KCNN2: variants seen among roughly 807,000 people sequenced by gnomAD.
KCNN2 encodes the protein potassium calcium-activated channel subfamily N member 2.
A neutral mutation model predicts 55.5 loss-of-function variants in KCNN2; 24 were observed. That is an observed-to-expected ratio of 0.43 (90% CI 0.31 to 0.61). KCNN2 has a LOEUF of 0.61. Ranked by LOEUF, KCNN2 falls within the 20% of genes least tolerant of loss-of-function variation. The probability of loss-of-function intolerance (pLI) is 0.08; values close to 1 mark genes in which losing one functional copy is unlikely to be tolerated. For synonymous variants in KCNN2, 431 were observed against 336.1 expected, an observed-to-expected ratio of 1.28 and a Z score of -3.09; for missense variants, 754 against 853.6, an observed-to-expected ratio of 0.88 and a Z score of 1.45.
intron 1 of KCNN2, among the ~76,000 whole-genome samples, chr5:114,134,606 G>A (rs539429189): frequency 2.2e-4 from 34 of 151,994 alleles, no homozygotes; most frequent in African/African-American, 8.0e-4. Context: ...CTCCCGAATA[G>A]CTGGGATTAC....
At chr5:114,446,469 A>G (rs1012525871) in intron 3 of KCNN2, among the ~76,000 whole-genome samples, 1 of 152,012 alleles carries the variant, frequency 6.6e-6, no homozygotes, top group Non-Finnish European at 1.5e-5. Flanking sequence ...TTTATATTTT[A>G]TTTTTTGAGA....
chr5:114,285,539 G>A (rs1400750801), intron 2 of KCNN2, among the ~76,000 whole-genome samples: 1 of 152,080 alleles, frequency 6.6e-6, no homozygotes, highest in African/African-American at 2.4e-5. Context: ...CAAGGAACCT[G>A]GATTGTCTCC....
intron 3 of KCNN2, among the ~76,000 whole-genome samples, chr5:114,424,480 G>T (rs1268422609): frequency 6.6e-6 from 1 of 152,212 alleles, no homozygotes. Flanking sequence ...TTTAGCCTGT[G>T]CCACTGCCTA....
chr5:114,232,938 T>TTTTTTTTTA (rs1399367540), intron 2 of KCNN2, among the ~76,000 whole-genome samples: 2 of 116,998 alleles, frequency 1.7e-5, no homozygotes, highest in African/African-American at 6.2e-5. Context: ...TTTTTTTTTT[T>TTTTTTTTTA]GAGACGGAGT....
At chr5:114,125,506 C>T (rs1751911753) in intron 1 of KCNN2, among the ~76,000 whole-genome samples, 1 of 152,168 alleles carries the variant, frequency 6.6e-6, no homozygotes, top group Non-Finnish European at 1.5e-5. Context: ...CCACTTTTAT[C>T]ACCTTGCTTT....
intron 2 of KCNN2, among the ~76,000 whole-genome samples, chr5:114,350,414 CTT>C (rs1757186688): frequency 6.6e-6 from 1 of 151,844 alleles, no homozygotes; most frequent in Non-Finnish European, 1.5e-5. Context: ...TGTAGGTAGT[CTT>C]TTCACTTTCC....
rs1753868384 is a variant in KCNN2, at chr5:114,210,886, CA to C, written c.-270-10590del. Among the ~76,000 whole-genome samples, 4 of 152,056 alleles carry C rather than the reference CA, an allele frequency of 2.6e-5. No individual in the cohort carries two copies. The South Asian group carries it at 8.3e-4, about 32-fold the overall frequency. ...TGAATGTGAGGGCCCTTCACTCTGG[CA>C]AAACTGGAATGTTTAAGGTGTTACA... On this transcript the variant is annotated intron_variant, in intron 1 of 10. Coordinates refer to the KCNN2 transcript ENST00000512097.
At chr5:114,098,290 G>T (rs1751304152) in intron 1 of KCNN2, among the ~76,000 whole-genome samples, 1 of 152,024 alleles carries the variant, frequency 6.6e-6, no homozygotes, top group South Asian at 2.1e-4. Context: ...CAGCTTCTGA[G>T]AATTAGGACT....
At chr5:114,423,068 C>G (rs955048215) in intron 3 of KCNN2, among the ~76,000 whole-genome samples, 1 of 152,150 alleles carries the variant, frequency 6.6e-6, no homozygotes, top group Non-Finnish European at 1.5e-5. Flanking sequence ...TAAGCATTAC[C>G]TGAAGTAAAA....
intron 7 of KCNN2, among the ~76,000 whole-genome samples, chr5:114,494,850 A>G (rs1037698597): frequency 6.6e-6 from 1 of 152,102 alleles, no homozygotes; most frequent in African/African-American, 2.4e-5. Context: ...TATATTCTGA[A>G]TAATAACTCC....
intron 2 of KCNN2, among the ~76,000 whole-genome samples, chr5:114,340,183 T>C (rs1444389038): frequency 6.6e-6 from 1 of 152,210 alleles, no homozygotes; most frequent in Non-Finnish European, 1.5e-5. Context: ...ATTTTGTTGA[T>C]TGAATCTCCC....
At chr5:114,361,472 A>T (rs966505142), upstream of KCNN2, among the ~76,000 whole-genome samples, 1 of 152,134 alleles carries the variant, frequency 6.6e-6, no homozygotes, top group Non-Finnish European at 1.5e-5. Context: ...CCGGTCGCCA[A>T]ACTTTTTCTC....
At chr5:114,395,043 A>C (rs908553745) in intron 2 of KCNN2, among the ~76,000 whole-genome samples, 5 of 152,108 alleles carry the variant, frequency 3.3e-5, no homozygotes, top group African/African-American at 1.2e-4. Flanking sequence ...GCCCTGGATT[A>C]TTTTCTAGAA....
intron 2 of KCNN2, among the ~76,000 whole-genome samples, chr5:114,224,934 A>AT (rs1328889931): frequency 1.3e-5 from 2 of 152,138 alleles, no homozygotes; most frequent in Non-Finnish European, 2.9e-5. Flanking sequence ...TAGATTCTAG[A>AT]TAGTAAAACT....
At chr5:114,124,624 T>G (rs925817681) in intron 1 of KCNN2, among the ~76,000 whole-genome samples, 1 of 152,190 alleles carries the variant, frequency 6.6e-6, no homozygotes, top group African/African-American at 2.4e-5. Flanking sequence ...CTCCCTTGTC[T>G]CTGCTCCAGT....
At chr5:114,485,256 A>G (rs1440111651) in intron 5 of KCNN2, among the ~76,000 whole-genome samples, 2 of 152,086 alleles carry the variant, frequency 1.3e-5, no homozygotes, top group Non-Finnish European at 2.9e-5. Context: ...CTTCTCCTCT[A>G]TGCCTTCGAC....
At chr5:114,237,597 C>CT (rs1392905232) in intron 2 of KCNN2, among the ~76,000 whole-genome samples, 2 of 152,070 alleles carry the variant, frequency 1.3e-5, no homozygotes, top group African/African-American at 2.4e-5. Context: ...ACTTTTATCT[C>CT]TAAATTTTTT....
intron 7 of KCNN2, among the ~76,000 whole-genome samples, chr5:114,495,540 T>G (rs1289497794): frequency 6.6e-6 from 1 of 152,192 alleles, no homozygotes; most frequent in African/African-American, 2.4e-5. Flanking sequence ...AACAAACATG[T>G]TGCAAAATGA....
At chr5:114,488,920 TGGAAGG>T (rs1299703101) in intron 6 of KCNN2, 1 of 152,010 alleles carries the variant, frequency 6.6e-6, no homozygotes, top group Non-Finnish European at 1.5e-5. Context: ...ATGTCCAGGG[TGGAAGG>T]GTATGAGATG....
Sources: allele counts gnomAD v4.1 joint callset (sites outside exome capture counted in the v4.1 genomes callset), GRCh38; gene constraint gnomAD v4.1.1; transcripts MANE v1.5; gene names NCBI Gene and HGNC (gene_info 2026-07-23, HGNC 2026-07-21).